The following B3GLCT variants were observed in gnomAD, a reference collection of about 807,000 sequenced individuals.
B3GLCT encodes beta 3-glucosyltransferase.
In B3GLCT, 65 loss-of-function variants were observed where a neutral mutation model predicts 63.4. The observed-to-expected ratio is 1.03, with a 90% CI of 0.84 to 1.26. B3GLCT has a LOEUF of 1.26. Among genes scored for constraint, B3GLCT ranks in the 50% most tolerant of loss-of-function variants. The pLI is 0.00. For synonymous variants in B3GLCT, 233 were observed against 219.2 expected (o/e 1.06, Z -0.55); for missense variants, 577 against 604.8 (o/e 0.95, Z 0.48).
chr13:31,275,774 T>G (rs979945170), intron 9 of B3GLCT, among the ~76,000 whole-genome samples: 1 of 152,014 alleles, frequency 6.6e-6, no homozygotes, highest in Non-Finnish European at 1.5e-5. Context: ...TTTGAAGAGA[T>G]AAATACATAG....
At chr13:31,239,734 T>A (rs576045206) in intron 4 of B3GLCT, among the ~76,000 whole-genome samples, 30 of 151,300 alleles carry the variant, frequency 2.0e-4, no homozygotes, top group African/African-American at 7.3e-4. Context: ...ACCAAGCGGA[T>A]CCCATGCTGA....
At chr13:31,266,647 C>T (rs970505523) in intron 7 of B3GLCT, among the ~76,000 whole-genome samples, 1 of 152,208 alleles carries the variant, frequency 6.6e-6, no homozygotes, top group Non-Finnish European at 1.5e-5. Flanking sequence ...CTAACTCTTC[C>T]ACTAGAAGTC....
intron 4 of B3GLCT, among the ~76,000 whole-genome samples, chr13:31,231,387 C>G (rs1228187474): frequency 6.6e-6 from 1 of 152,132 alleles, no homozygotes; most frequent in Non-Finnish European, 1.5e-5. Context: ...GCCCCTGCTC[C>G]CAGCAATACC....
chr13:31,226,120 C>A (rs35655684), intron 3 of B3GLCT, among the ~76,000 whole-genome samples: 28,179 of 152,116 alleles, frequency 0.19, 2,768 homozygotes, highest in Non-Finnish European at 0.2. Flanking sequence ...AGGAAATAAC[C>A]TCCTCCTGGA....
At chr13:31,215,681 T>C (rs1869523934) in intron 2 of B3GLCT, among the ~76,000 whole-genome samples, 1 of 152,214 alleles carries the variant, frequency 6.6e-6, no homozygotes, top group Non-Finnish European at 1.5e-5. Context: ...CCCAAAGTGC[T>C]GGGATTACAG....
chr13:31,284,011 A>G (rs1422493027), intron 10 of B3GLCT, among the ~76,000 whole-genome samples: 1 of 152,242 alleles, frequency 6.6e-6, no homozygotes, highest in Non-Finnish European at 1.5e-5. Flanking sequence ...AGACAGAGCT[A>G]TCTTTGAGCC....
At chr13:31,207,001 C>T (rs1868991402) in intron 1 of B3GLCT, among the ~76,000 whole-genome samples, 1 of 152,112 alleles carries the variant, frequency 6.6e-6, no homozygotes, top group African/African-American at 2.4e-5. Context: ...GTTGTTAAAG[C>T]AAAGGTTTTT....
chr13:31,326,552 A>G (rs1326359903), intron 14 of B3GLCT, among the ~76,000 whole-genome samples: 1 of 152,010 alleles, frequency 6.6e-6, no homozygotes, highest in African/African-American at 2.4e-5. Context: ...AAGTGCTGGG[A>G]TTACAGGCCT....
At chr13:31,317,718 T>C (rs756082348) in intron 13 of B3GLCT, 33 bp downstream of exon 13, 1 of 1,613,226 alleles carries the variant, frequency 6.2e-7, no homozygotes, top group African/African-American at 1.3e-5. Flanking sequence ...TCAACTACTT[T>C]AAACATAAAC....
At position 31,261,050 on chromosome 13, in the gene B3GLCT, A is replaced by G. The variant is rs936153230; in HGVS notation, c.564A>G (p.Ala188=). The part of the protein sequence containing the change: ...PTVFKYPDFA[A]GWALSIPLVN... ...TTTTTAAGTATCCAGACTTTGCTGC[A>G]GGCTGGGCCTTAAGTATTCCACTTG... The change falls in exon 7 of 15, where the codon GCA becomes GCG. Residue 188 remains alanine, a synonymous_variant. Transcript: ENST00000343307. 2.4e-5 allele frequency: 38 copies of G among 1,613,282 alleles called. No homozygotes were observed. The highest frequency in any genetic ancestry group is 3.1e-5 in the Non-Finnish European group (37 of 1,179,824).
chr13:31,288,805 T>A (rs1014178958), intron 12 of B3GLCT, among the ~76,000 whole-genome samples: 1 of 152,028 alleles, frequency 6.6e-6, no homozygotes, highest in African/African-American at 2.4e-5. Context: ...GATATGCAGA[T>A]ATCAATGGAA....
intron 12 of B3GLCT, among the ~76,000 whole-genome samples, chr13:31,290,942 A>G (rs578188581): frequency 9.2e-5 from 14 of 152,312 alleles, no homozygotes; most frequent in African/African-American, 2.9e-4. Flanking sequence ...GCCCATGCCT[A>G]TGTCCTGAAT....
chr13:31,329,231 C>T (rs568302345), intron 14 of B3GLCT, among the ~76,000 whole-genome samples: 22 of 152,268 alleles, frequency 1.4e-4, no homozygotes, highest in African/African-American at 5.3e-4. Context: ...GTATTTATTA[C>T]TATTGTTTAG....
At chr13:31,208,190 C>T (rs918089923) in intron 1 of B3GLCT, among the ~76,000 whole-genome samples, 9 of 152,068 alleles carry the variant, frequency 5.9e-5, no homozygotes, top group African/African-American at 1.9e-4. Context: ...TCTACTGCCA[C>T]ATCTTTCTGT....
chr13:31,208,307 A>C (rs1039607143), intron 1 of B3GLCT, among the ~76,000 whole-genome samples: 26 of 151,806 alleles, frequency 1.7e-4, no homozygotes, highest in African/African-American at 2.4e-5. Flanking sequence ...TCTCCTTTGC[A>C]GTTTTGTCCT....
chr13:31,230,569 T>A lies in B3GLCT; in HGVS notation c.270+1275T>A, dbSNP rs1007879350. Among the ~76,000 whole-genome samples, 4 of 152,398 alleles carry A rather than the reference T, an allele frequency of 2.6e-5. No individual in the cohort carries two copies. The South Asian group carries it at 6.2e-4, about 24-fold the overall frequency. On this transcript the variant is annotated intron_variant, in intron 4 of 14. Transcript: ENST00000343307. Reference sequence around the variant, plus strand: ...ATTTAAATGCTTTATATATAAACTGTATCAAACTGTCTTGCGTCCCTGCAA... The same window carrying A: ...ATTTAAATGCTTTATATATAAACTGAATCAAACTGTCTTGCGTCCCTGCAA...
chr13:31,308,359 AAC>A lies in B3GLCT; in HGVS notation c.1065-9205_1065-9204del, dbSNP rs1555254599. ...AAAAAAAAAAAATTAAAAAAAAAAA[AAC>A]AAAAAAAAAAGCTAGTCCCACATGG... On this transcript the variant is annotated intron_variant, in intron 12 of 14. Transcript: ENST00000343307. Among the ~76,000 whole-genome samples, 7 of 29,086 alleles carry A rather than the reference AAC, an allele frequency of 2.4e-4. 2 individuals carry two copies. Among genetic ancestry groups the A allele is most frequent in the Non-Finnish European group, 7.7e-4 (5 of 6,508 alleles). 19.1% of individuals were successfully genotyped at this position (29,086 alleles called of 152,430 possible).
At chr13:31,276,845 C>CTCAAGAATTCA in intron 10 of B3GLCT, 74 bp downstream of exon 10, 1 of 1,143,598 alleles carries the variant, frequency 8.7e-7, no homozygotes, top group Non-Finnish European at 1.3e-6. Context: ...CCAATGAATT[C>CTCAAGAATTCA]TTGAGTGTAA....
At chr13:31,217,838 A>C (rs1410764115) in intron 2 of B3GLCT, among the ~76,000 whole-genome samples, 2 of 152,264 alleles carry the variant, frequency 1.3e-5, no homozygotes, top group East Asian at 3.9e-4. Context: ...TGTAGCCTTG[A>C]AATATAGTTT....
Sources: gnomAD v4.1 joint callset for allele counts (sites outside exome capture counted in the v4.1 genomes callset) on GRCh38, gnomAD v4.1.1 for gene constraint, MANE v1.5 for transcripts, NCBI Gene and HGNC (gene_info 2026-07-23, HGNC 2026-07-21) for gene names.